The following RPTOR variants were observed in gnomAD, a reference collection of about 807,000 sequenced individuals.
The protein encoded by RPTOR is regulatory-associated protein of mTOR.
RPTOR carries 21 observed loss-of-function variants against 169.9 expected under a neutral mutation model. The observed-to-expected ratio is 0.12, with a 90% confidence interval of 0.09 to 0.18. RPTOR has a LOEUF of 0.18. Among genes scored for constraint, RPTOR ranks in the 10% least tolerant of loss-of-function variants. The pLI, the probability that RPTOR is intolerant of heterozygous loss-of-function variation, is 1.00. For synonymous variants in RPTOR, 732 were observed against 753.2 expected (o/e 0.97, Z 0.46); for missense variants, 1,133 against 1,855.9 (o/e 0.61, Z 7.16).
chr17:80,903,431 G>A (rs1234032351), intron 20 of RPTOR, among the ~76,000 whole-genome samples: 1 of 152,234 alleles, frequency 6.6e-6, no homozygotes, highest in Non-Finnish European at 1.5e-5. Flanking sequence ...ACAGAACAGT[G>A]GCGGCCCCTG....
At chr17:80,742,613 A>G (rs1027329747) in intron 5 of RPTOR, among the ~76,000 whole-genome samples, 4 of 151,794 alleles carry the variant, frequency 2.6e-5, no homozygotes, top group Non-Finnish European at 4.4e-5. Flanking sequence ...TAGATGCCAC[A>G]CACATACACA....
At chr17:80,663,546 T>A (rs1018196569) in intron 3 of RPTOR, among the ~76,000 whole-genome samples, 4 of 152,154 alleles carry the variant, frequency 2.6e-5, no homozygotes, top group Non-Finnish European at 5.9e-5. Flanking sequence ...ATATTGACAT[T>A]ATTTCCCCTC....
intron 11 of RPTOR, among the ~76,000 whole-genome samples, chr17:80,849,760 C>T (rs1329658020): frequency 6.6e-6 from 1 of 152,206 alleles, no homozygotes; most frequent in Non-Finnish European, 1.5e-5. Context: ...CCTTGTGATC[C>T]ACCCGCCTCG....
chr17:80,902,856 C>T (rs539023295), intron 20 of RPTOR, among the ~76,000 whole-genome samples: 22 of 152,266 alleles, frequency 1.4e-4, no homozygotes, highest in Non-Finnish European at 2.6e-4. Flanking sequence ...CCTTCCCTCC[C>T]GAAACCCTGC....
chr17:80,898,315 C>T (rs1190232162), intron 20 of RPTOR, among the ~76,000 whole-genome samples: 7 of 152,216 alleles, frequency 4.6e-5, no homozygotes, highest in Non-Finnish European at 7.3e-5. Context: ...TCCCAATCTG[C>T]TGCCTCTTTA....
intron 20 of RPTOR, 120 bp downstream of exon 20, chr17:80,893,985 A>C (rs2068367023): frequency 1.9e-6 from 2 of 1,079,046 alleles, no homozygotes; most frequent in Non-Finnish European, 2.6e-6. Flanking sequence ...GTTCAAAAGA[A>C]AGAATAAAGG....
intron 21 of RPTOR, among the ~76,000 whole-genome samples, chr17:80,915,384 C>T (rs573289592): frequency 2.0e-5 from 1 of 50,544 alleles, no homozygotes; most frequent in South Asian, 9.3e-4. Context: ...GCTGAGCAGA[C>T]GTCGGGAAAA....
intron 20 of RPTOR, among the ~76,000 whole-genome samples, chr17:80,902,439 T>C (rs2068488219): frequency 6.6e-6 from 1 of 152,332 alleles, no homozygotes; most frequent in African/African-American, 2.4e-5. Flanking sequence ...GGAGGTTGCC[T>C]GGCCCACCGC....
rs1220415672 is a variant in RPTOR at position 80,708,223 on chromosome 17, C to T, written c.507+224C>T. ...GGAATGACTGCCTTGAAGTGTGGTG[C>T]GTGTGGTTTATGTTCCCTCTGTAAG... is the stretch of plus-strand genomic sequence containing the variant. On this transcript the variant is annotated intron_variant, in intron 4 of 33. Coordinates refer to ENST00000306801, the MANE Select transcript of RPTOR (RefSeq NM_020761.3). The surrounding 1 kb of genome is among the most constrained non-coding windows in gnomAD (Gnocchi z 4.2). 2.6e-5 allele frequency among the ~76,000 whole-genome samples: 4 copies of T among 152,142 alleles called. No individual in the cohort carries two copies. Among genetic ancestry groups the T allele is most frequent in the Admixed American group, 6.5e-5 (1 of 15,282 alleles).
In RPTOR at chr17:80,583,695, G is replaced by T. The variant is rs999402465; in HGVS notation, c.162+37904G>T. 2.0e-5 allele frequency among the ~76,000 whole-genome samples: 3 copies of T among 152,302 alleles called. No homozygotes were observed. In the South Asian group the frequency reaches 6.2e-4, roughly 32 times the overall value. The stretch of plus-strand genomic sequence containing the variant: ...CCCGGTAGTGAAGGGGGAATAACAA[G>T]GACGTCTCTGGAAAGTGCTGCAGGT... On this transcript the variant is annotated intron_variant, in intron 1 of 33. Coordinates refer to ENST00000306801, the MANE Select transcript of RPTOR (RefSeq NM_020761.3).
In RPTOR at chr17:80,960,057, G is replaced by C. The variant is rs2144096844; in HGVS notation, c.3478-21G>C. 6.2e-7 allele frequency: 1 copy of C among 1,612,314 alleles called. No individual in the cohort carries two copies. The highest frequency in any genetic ancestry group is 1.1e-5 in the South Asian group (1 of 91,064). On this transcript the variant is annotated intron_variant, in intron 29 of 33. Transcript: ENST00000306801. The surrounding 1 kb of genome is among the most constrained non-coding windows in gnomAD (Gnocchi z 4.8). The stretch of plus-strand genomic sequence containing the variant: ...GGCTCGGTGCCCCGGTCTTCACCGG[G>C]CTGCCTGTGTTTGGCTCTAGGACAT...
intron 3 of RPTOR, among the ~76,000 whole-genome samples, chr17:80,652,021 T>A (rs897229614): frequency 3.8e-5 from 4 of 104,732 alleles, no homozygotes; most frequent in African/African-American, 1.7e-4. Flanking sequence ...AAAAAAAAAA[T>A]TAGCTGGGCG....
chr17:80,831,483 A>G (rs752329839), intron 9 of RPTOR, among the ~76,000 whole-genome samples: 33 of 152,232 alleles, frequency 2.2e-4, no homozygotes, highest in Non-Finnish European at 2.9e-4. Flanking sequence ...TAGTCTGGAC[A>G]CAGGAGGGAG....
chr17:80,673,281 A>C (rs1055306631), intron 3 of RPTOR, among the ~76,000 whole-genome samples: 2 of 152,142 alleles, frequency 1.3e-5, no homozygotes, highest in African/African-American at 2.4e-5. Context: ...AAAGATTAGG[A>C]AACAAACAAG....
chr17:80,809,728 G>T (rs1186974571), intron 7 of RPTOR, among the ~76,000 whole-genome samples: 3 of 152,042 alleles, frequency 2.0e-5, no homozygotes, highest in Non-Finnish European at 2.9e-5. Flanking sequence ...TAAGTCTGTG[G>T]CTTGTGTTTT....
intron 1 of RPTOR, among the ~76,000 whole-genome samples, chr17:80,564,102 G>A (rs1345048152): frequency 6.7e-6 from 1 of 149,760 alleles, no homozygotes; most frequent in Non-Finnish European, 1.5e-5. Context: ...TCGCTCTGTC[G>A]CCCAGGCTGG....
chr17:80,785,341 T>C (rs1439669758), intron 6 of RPTOR, among the ~76,000 whole-genome samples: 1 of 152,250 alleles, frequency 6.6e-6, no homozygotes, highest in Non-Finnish European at 1.5e-5. Context: ...TCTCTAAATG[T>C]AAAACATTTT....
At chr17:80,649,355 G>A (rs140604342) in intron 3 of RPTOR, among the ~76,000 whole-genome samples, 32 of 152,278 alleles carry the variant, frequency 2.1e-4, no homozygotes, top group Middle Eastern at 3.4e-3. Context: ...ATCCCTTGGC[G>A]TGCGGCCCTG....
Position 80,857,785 on chromosome 17 carries a change from C to T in RPTOR, c.1399-5C>T. ...AGGTGCGCTGACGCCCTCCCTCGCC[C>T]CCAGGCCTTGTCTGTCGGCATCTTC... is the stretch of plus-strand genomic sequence containing the variant. On this transcript the variant is annotated splice_region_variant and splice_polypyrimidine_tract_variant and intron_variant, in intron 12 of 33. Transcript: ENST00000306801. 1.2e-6 allele frequency: 2 copies of T among 1,606,570 alleles called. No homozygotes were observed. Among genetic ancestry groups the T allele is most frequent in the East Asian group, 2.2e-5 (1 of 44,828 alleles).
Sources: gnomAD v4.1 joint callset for allele counts (sites outside exome capture counted in the v4.1 genomes callset) on GRCh38, gnomAD v4.1.1 for gene constraint, Gnocchi (gnomAD v3.1) non-coding constraint, MANE v1.5 for transcripts, NCBI Gene and HGNC (gene_info 2026-07-23, HGNC 2026-07-21) for gene names.